Variants in LRCH2 observed in about 807,000 individuals in gnomAD.
LRCH2 encodes leucine-rich repeat and calponin homology domain-containing protein 2.
In LRCH2, 38 loss-of-function variants were observed where a neutral mutation model predicts 68.9. The ratio of observed to expected loss-of-function variants is 0.55; its 90% CI spans 0.43 to 0.72. The LOEUF (loss-of-function observed/expected upper bound fraction) is 0.72. LRCH2 is among the 30% of genes least tolerant of loss of function. LRCH2 has a pLI of 0.00. For missense variants in LRCH2, 528 were observed against 572.9 expected (o/e 0.92, Z 0.80); for synonymous variants, 191 against 208.1 (o/e 0.92, Z 0.71).
At chrX:115,136,080 T>C (rs1271833593) in intron 14 of LRCH2, among the ~76,000 whole-genome samples, 1 of 111,788 alleles carries the variant, frequency 8.9e-6, no homozygotes, top group Non-Finnish European at 1.9e-5. Flanking sequence ...AAACCCACAA[T>C]ATCTCTTAAG....
intron 1 of LRCH2, among the ~76,000 whole-genome samples, chrX:115,197,276 C>G (rs1430414581): frequency 1.8e-5 from 2 of 110,784 alleles, no homozygotes; most frequent in Non-Finnish European, 3.8e-5. Context: ...TAATAATTCT[C>G]CAGCAGTAGA....
chrX:115,129,053 A>T (rs782316615), intron 15 of LRCH2, among the ~76,000 whole-genome samples: 1 of 112,209 alleles, frequency 8.9e-6, no homozygotes, highest in African/African-American at 3.2e-5. Flanking sequence ...AGTTTTGAAC[A>T]TATTTAGTCC....
chrX:115,179,554 T>G lies in LRCH2; in HGVS notation c.737A>C (p.Asp246Ala), dbSNP rs1556551825. 13 of 1,120,944 alleles carry G rather than the reference T, an allele frequency of 1.2e-5. No homozygotes were observed. Among genetic ancestry groups the G allele is most frequent in the Non-Finnish European group, 1.5e-5 (13 of 854,932 alleles). 92.4% of individuals were successfully genotyped at this position (1,120,944 alleles called of 1,213,427 possible). The change falls in exon 5 of 21, where the codon GAC (aspartate) becomes GCC (alanine). Residue 246 changes from aspartate (D) to alanine (A), a missense_variant. By Grantham distance (126) the Asp-to-Ala change is moderately radical (BLOSUM62 -2). Coordinates refer to ENST00000317135, the MANE Select transcript of LRCH2 (RefSeq NM_020871.4). ...NLHVLPDELG[D>A]LPLVKLDFSC... ...GAAATCCAGCTTGACTAAGGGAAGG[T>G]CTCCTAATTCTGGTCAGAAATGAAA...
chrX:115,214,947 C>T (rs2073031986), intron 1 of LRCH2, among the ~76,000 whole-genome samples: 1 of 112,125 alleles, frequency 8.9e-6, no homozygotes, highest in Middle Eastern at 4.6e-3. Context: ...ACTAATGAAT[C>T]ACTGTAACAG....
chrX:115,233,738 C>T lies in LRCH2; in HGVS notation c.304G>A (p.Asp102Asn). 8.5e-7 allele frequency: 1 copy of T among 1,182,365 alleles called. No individual in the cohort carries two copies. The highest frequency in any genetic ancestry group is 1.1e-6 in the Non-Finnish European group (1 of 879,922). The change falls in exon 1 of 21, where the codon GAC (aspartate) becomes AAC (asparagine). Residue 102 changes from aspartate to asparagine, a missense_variant. By Grantham distance (23) the Asp-to-Asn change is conservative. Coordinates refer to ENST00000317135, the MANE Select transcript of LRCH2 (RefSeq NM_020871.4). ...ILSLSGRKLR[D>N]FPGSGYDLTD... The stretch of plus-strand genomic sequence containing the variant: ...AGGTCGTAGCCGCTGCCCGGGAAGT[C>T]TCGGAGTTTCCGACCACTGAGGCTC...
intron 20 of LRCH2, among the ~76,000 whole-genome samples, chrX:115,119,203 C>T (rs1313650786): frequency 8.2e-5 from 9 of 109,741 alleles, no homozygotes; most frequent in African/African-American, 3.0e-4. Flanking sequence ...AAAGGGTATT[C>T]AATTAGGAAA....
In LRCH2 at chrX:115,150,022, C is replaced by T; in HGVS notation, c.1578G>A (p.Gln526=). Residue 526 remains glutamine (Q), a splice_region_variant and synonymous_variant, in exon 13 of 21, where the codon CAG becomes CAA. Transcript: ENST00000317135. ...VNSPLSPLTW[Q]PLENQKDQID... is the part of the protein sequence containing the mutation. Reference sequence around the variant, plus strand: ...TAATTGTAATTTAATTTCTTCTTACCTGCCAGGTGAGGGGTGATAATGGTG... The same window carrying T: ...TAATTGTAATTTAATTTCTTCTTACTTGCCAGGTGAGGGGTGATAATGGTG... The T allele has an allele frequency of 8.5e-7, 1 of 1,171,224 alleles. No homozygotes were observed. The highest frequency in any genetic ancestry group is 1.1e-6 in the Non-Finnish European group (1 of 873,024).
Position 115,112,261 on chromosome X carries a change from A to C in LRCH2, c.*955T>G, listed in dbSNP as rs1049726193. On this transcript the variant is annotated 3_prime_UTR_variant, in exon 21 of 21. Coordinates refer to ENST00000317135, the MANE Select transcript of LRCH2 (RefSeq NM_020871.4). ...ACCCAAACTTTGGCAGTTTTATCAA[A>C]ATGTCCTTGATAATTAGTACTTCAC... 2 of 112,031 alleles carry C rather than the reference A, an allele frequency of 1.8e-5. No homozygotes were observed. Among genetic ancestry groups the C allele is most frequent in the African/African-American group, 6.5e-5 (2 of 30,917 alleles). The allele number at this position is 112,031 out of a possible 1,213,427, so 9.2% of individuals were successfully genotyped here. A position where few individuals can be genotyped will look rare whatever the true frequency, so the allele number is the denominator to read the frequency against.
At chrX:115,130,085 T>G in intron 15 of LRCH2, 70 bp downstream of exon 15, 1 of 565,072 alleles carries the variant, frequency 1.8e-6, no homozygotes, top group Non-Finnish European at 2.7e-6. Flanking sequence ...GATTACATTT[T>G]ACTCTCACTG....
At chrX:115,221,319 C>CT (rs2073084009) in intron 1 of LRCH2, among the ~76,000 whole-genome samples, 1 of 102,453 alleles carries the variant, frequency 9.8e-6, no homozygotes, top group Admixed American at 1.1e-4. Flanking sequence ...CAAGATATGT[C>CT]TTTTTTCTAA....
At chrX:115,169,951 A>C (rs1465928444) in intron 6 of LRCH2, among the ~76,000 whole-genome samples, 1 of 111,572 alleles carries the variant, frequency 9.0e-6, no homozygotes, top group Non-Finnish European at 1.9e-5. Context: ...TTGCTCTTCC[A>C]CCAACCTCAG....
chrX:115,225,411 T>A (rs1348395885), intron 1 of LRCH2, among the ~76,000 whole-genome samples: 1 of 111,001 alleles, frequency 9.0e-6, no homozygotes, highest in Non-Finnish European at 1.9e-5. Flanking sequence ...AAAAAGATAA[T>A]CCATATGTAA....
At chrX:115,182,318 A>T (rs1159443009) in intron 3 of LRCH2, among the ~76,000 whole-genome samples, 1 of 111,859 alleles carries the variant, frequency 8.9e-6, no homozygotes, top group Non-Finnish European at 1.9e-5. Flanking sequence ...ACCTTTATAA[A>T]ATCTGGAAAA....
At chrX:115,177,150 A>C (rs2072656673) in intron 5 of LRCH2, among the ~76,000 whole-genome samples, 2 of 103,271 alleles carry the variant, frequency 1.9e-5, no homozygotes, top group African/African-American at 3.6e-5. Flanking sequence ...CAGCAGCCTC[A>C]ACCTACTGGG....
chrX:115,200,970 T>C (rs1556566042), intron 1 of LRCH2, among the ~76,000 whole-genome samples: 1 of 111,842 alleles, frequency 8.9e-6, no homozygotes, highest in East Asian at 2.8e-4. Context: ...TTCATTTTCA[T>C]GCTGCTGATA....
chrX:115,200,817 T>C (rs1362781631), intron 1 of LRCH2, among the ~76,000 whole-genome samples: 1 of 110,648 alleles, frequency 9.0e-6, no homozygotes, highest in Non-Finnish European at 1.9e-5. Context: ...ACTATCACCC[T>C]AATACCAAAA....
intron 1 of LRCH2, among the ~76,000 whole-genome samples, chrX:115,200,471 C>T (rs1030602588): frequency 6.3e-5 from 7 of 111,067 alleles, no homozygotes. Flanking sequence ...CACAGAAACA[C>T]AATAGATCAT....
chrX:115,158,730 C>T (rs915215859), intron 11 of LRCH2, among the ~76,000 whole-genome samples: 1 of 111,713 alleles, frequency 9.0e-6, no homozygotes, highest in African/African-American at 3.2e-5. Flanking sequence ...AATACTACAG[C>T]GTAAGTTAGC....
At chrX:115,116,688 T>A (rs1307148509) in intron 20 of LRCH2, among the ~76,000 whole-genome samples, 2 of 111,174 alleles carry the variant, frequency 1.8e-5, no homozygotes, top group Non-Finnish European at 3.8e-5. Flanking sequence ...AATAAAAATA[T>A]TTTCTTAAAA....
Sources: gnomAD v4.1 joint callset for allele counts (sites outside exome capture counted in the v4.1 genomes callset) on GRCh38, gnomAD v4.1.1 for gene constraint, MANE v1.5 for transcripts, NCBI Gene and HGNC (gene_info 2026-07-23, HGNC 2026-07-21) for gene names.